Variants in ATP2C2 observed in about 807,000 individuals in gnomAD.
ATP2C2 encodes ATPase secretory pathway Ca2+ transporting 2, also known as calcium-transporting ATPase type 2C member 2.
ATP2C2 carries 171 observed loss-of-function variants against 110.8 expected under a neutral mutation model. The ratio of observed to expected loss-of-function variants is 1.54; its 90% CI spans 1.36 to 1.75. The LOEUF (loss-of-function observed/expected upper bound fraction) is 1.75. Ranked by LOEUF, ATP2C2 falls within the 40% of genes most tolerant of loss-of-function variation. The pLI, the probability that ATP2C2 is intolerant of heterozygous loss-of-function variation, is 0.00. For synonymous variants in ATP2C2, 804 were observed against 508.4 expected, an observed-to-expected ratio of 1.58 and a Z score of -7.82; for missense variants, 1,963 against 1,235.0, an observed-to-expected ratio of 1.59 and a Z score of -8.84.
chr16:84,422,132 AT>A lies in ATP2C2; in HGVS notation c.625-248del, dbSNP rs373258346. 6.0e-3 allele frequency among the ~76,000 whole-genome samples: 898 copies of A among 150,116 alleles called. 11 individuals are homozygous for A. Among genetic ancestry groups the A allele is most frequent in the African/African-American group, 0.021 (841 of 40,982 alleles). On this transcript the variant is annotated intron_variant, in intron 7 of 26. Transcript: ENST00000262429. ...ATATCCTAAAATAGCCATCACCTTC[AT>A]TTTTTTTTTAGATTGTATCAAAATT...
intron 11 of ATP2C2, among the ~76,000 whole-genome samples, chr16:84,437,067 C>A (rs1908809927): frequency 6.6e-6 from 1 of 152,104 alleles, no homozygotes; most frequent in African/African-American, 2.4e-5. Context: ...CGGCCTTTTT[C>A]TTTCTTAAAC....
At position 84,422,426 on chromosome 16, in the gene ATP2C2, G is replaced by T. The variant is rs184593151; in HGVS notation, c.661G>T (p.Gly221Trp). ...DLLVDESSFT[G>W]EAEPCSKTDS... ...CTTGGTGGATGAATCCAGTTTCACCGGGGAAGCCGAGCCATGTAGTAAAAC... is the reference window on the plus strand; with the variant it reads ...CTTGGTGGATGAATCCAGTTTCACCTGGGAAGCCGAGCCATGTAGTAAAAC... The change falls in exon 8 of 27, where the codon GGG (glycine) becomes TGG (tryptophan). Residue 221 changes from glycine (G) to tryptophan (W), a missense_variant. Gly to Trp is a radical substitution (Grantham distance 184, BLOSUM62 -2). Transcript: ENST00000262429. 1.1e-3 allele frequency: 1,702 copies of T among 1,613,798 alleles called. 4 individuals carry two copies. Among genetic ancestry groups the T allele is most frequent in the Non-Finnish European group, 1.3e-3 (1,553 of 1,179,788 alleles).
intron 2 of ATP2C2, among the ~76,000 whole-genome samples, chr16:84,400,273 T>A (rs1399496667): frequency 2.0e-5 from 3 of 152,192 alleles, no homozygotes; most frequent in African/African-American, 7.2e-5. Flanking sequence ...TTTCTTTTGG[T>A]TATGTATCTA....
chr16:84,378,663 G>T (rs1910392007), intron 1 of ATP2C2, among the ~76,000 whole-genome samples: 1 of 152,240 alleles, frequency 6.6e-6, no homozygotes, highest in Non-Finnish European at 1.5e-5. Context: ...TGGGTCATGT[G>T]CTAGGCGCTG....
At chr16:84,386,402 A>G (rs1597739306) in intron 1 of ATP2C2, among the ~76,000 whole-genome samples, 1 of 152,376 alleles carries the variant, frequency 6.6e-6, no homozygotes, top group East Asian at 1.9e-4. Flanking sequence ...CAGTAAGAAC[A>G]CTGGCTACCA....
chr16:84,404,898 C>G lies in ATP2C2; in HGVS notation c.211-230C>G, dbSNP rs761353773. ...CATTTCCATTTGTTGAAATTTAAGA[C>G]CAGAGTCGTCTTTTCTGCTGTAATT... On this transcript the variant is annotated intron_variant, in intron 2 of 26. Coordinates refer to ENST00000262429, the MANE Select transcript of ATP2C2 (RefSeq NM_014861.4). 44 of 614,480 alleles carry G rather than the reference C, an allele frequency of 7.2e-5. No individual in the cohort carries two copies. In the African/African-American group the frequency reaches 7.7e-4, roughly 11 times the overall value. 38.1% of individuals were successfully genotyped at this position (614,480 alleles called of 1,614,324 possible). A position where few individuals can be genotyped will look rare whatever the true frequency, so the allele number is the denominator to read the frequency against.
At chr16:84,461,465 G>A (rs1911329465) in intron 24 of ATP2C2, 1 of 584,576 alleles carries the variant, frequency 1.7e-6, no homozygotes, top group Non-Finnish European at 3.1e-6. Flanking sequence ...CCTGGAGGAA[G>A]TGGTGTTTCC....
intron 11 of ATP2C2, among the ~76,000 whole-genome samples, chr16:84,438,248 C>G (rs1908920095): frequency 6.6e-6 from 1 of 152,210 alleles, no homozygotes; most frequent in Non-Finnish European, 1.5e-5. Flanking sequence ...AGCCACTACC[C>G]AGCTTCAGCA....
At position 84,451,987 on chromosome 16, in the gene ATP2C2, A is replaced by C. The variant is rs746274756; in HGVS notation, c.1727A>C (p.Asp576Ala). 6 of 1,612,840 alleles carry C rather than the reference A, an allele frequency of 3.7e-6. No homozygotes were observed. In the African/African-American group the frequency reaches 8.1e-5, roughly 22 times the overall value. Residue 576 changes from aspartate to alanine, a missense_variant, in exon 18 of 27, where the codon GAC becomes GCC. By Grantham distance (126) the Asp-to-Ala change is moderately radical (BLOSUM62 -2). Coordinates refer to ENST00000262429, the MANE Select transcript of ATP2C2 (RefSeq NM_014861.4). ...TTTCTCGGTCTTGTGGGCATCATTG[A>C]CCCCCCGAGAGTTGGCGTGAAGGAA... ...LTFLGLVGIIDPPRVGVKEAV... is the reference protein window; with the variant it reads ...LTFLGLVGIIAPPRVGVKEAV...
chr16:84,403,664 A>C (rs1905497053), intron 2 of ATP2C2, among the ~76,000 whole-genome samples: 2 of 152,030 alleles, frequency 1.3e-5, no homozygotes, highest in African/African-American at 4.8e-5. Flanking sequence ...ACTGTTGCAC[A>C]ACCATCGCCA....
At chr16:84,441,165 GC>G (rs1380878235) in intron 14 of ATP2C2, among the ~76,000 whole-genome samples, 1 of 152,230 alleles carries the variant, frequency 6.6e-6, no homozygotes, top group Non-Finnish European at 1.5e-5. Context: ...GGGCACAGTG[GC>G]TAATGCCCGT....
At chr16:84,385,346 G>A (rs527283410) in intron 1 of ATP2C2, among the ~76,000 whole-genome samples, 4 of 152,276 alleles carry the variant, frequency 2.6e-5, no homozygotes, top group African/African-American at 9.6e-5. Flanking sequence ...AACTATTCAT[G>A]AGATATCCTT....
intron 6 of ATP2C2, among the ~76,000 whole-genome samples, chr16:84,412,548 G>GTC (rs1906464896): frequency 7.0e-3 from 3 of 428 alleles, no homozygotes; most frequent in Non-Finnish European, 0.014. Context: ...GTGTGTATGC[G>GTC]TGTGTGTGTG....
intron 11 of ATP2C2, among the ~76,000 whole-genome samples, chr16:84,426,863 C>T (rs1233945185): frequency 2.6e-5 from 4 of 152,182 alleles, no homozygotes; most frequent in East Asian, 1.9e-4. Flanking sequence ...CCTTCTTCTA[C>T]GTAGTGATTC....
rs565553269 is a variant in ATP2C2 at position 84,460,537 on chromosome 16, A to T, written c.2334-117A>T. ...TGCGATGCCTGGGGGCGTTCAGCAAATGCCTGGCCCTGCCCCCTGTGCCAA... is the reference window on the plus strand; with the variant it reads ...TGCGATGCCTGGGGGCGTTCAGCAATTGCCTGGCCCTGCCCCCTGTGCCAA... On this transcript the variant is annotated intron_variant, in intron 23 of 26. Coordinates refer to ENST00000262429, the MANE Select transcript of ATP2C2 (RefSeq NM_014861.4). 2.8e-6 allele frequency: 4 copies of T among 1,449,592 alleles called. No individual in the cohort carries two copies. The African/African-American group carries it at 4.2e-5, about 15-fold the overall frequency. The allele number at this position is 1,449,592 out of a possible 1,614,324, so 89.8% of individuals were successfully genotyped here.
intron 11 of ATP2C2, among the ~76,000 whole-genome samples, chr16:84,438,071 G>T (rs2150564651): frequency 6.6e-6 from 1 of 152,270 alleles, no homozygotes; most frequent in South Asian, 2.1e-4. Context: ...TCCTTTCTTT[G>T]GCTAAAGTGT....
intron 18 of ATP2C2, among the ~76,000 whole-genome samples, chr16:84,452,925 TTC>T: frequency 6.6e-6 from 1 of 152,146 alleles, no homozygotes; most frequent in East Asian, 1.9e-4. Context: ...GCAAAGTCAC[TTC>T]TGTTTCCCCA....
At chr16:84,438,641 TC>T (rs1282657163) in intron 11 of ATP2C2, among the ~76,000 whole-genome samples, 1 of 152,006 alleles carries the variant, frequency 6.6e-6, no homozygotes, top group Non-Finnish European at 1.5e-5. Flanking sequence ...CCGAAACAGA[TC>T]CACGCAGCAG....
At chr16:84,419,546 G>C (rs887205204) in intron 7 of ATP2C2, among the ~76,000 whole-genome samples, 2 of 152,168 alleles carry the variant, frequency 1.3e-5, no homozygotes, top group Non-Finnish European at 2.9e-5. Flanking sequence ...TTCCCAAGTT[G>C]AGGATTAGGA....
Sources: gnomAD v4.1 joint callset for allele counts (sites outside exome capture counted in the v4.1 genomes callset) on GRCh38, gnomAD v4.1.1 for gene constraint, MANE v1.5 for transcripts, NCBI Gene and HGNC (gene_info 2026-07-23, HGNC 2026-07-21) for gene names.